ITGB6: variants seen among roughly 807,000 people sequenced by gnomAD.
ITGB6 encodes the protein integrin beta-6.
ITGB6 carries 80 observed loss-of-function variants against 84.5 expected under a neutral mutation model. The ratio of observed to expected loss-of-function variants is 0.95; its 90% CI spans 0.79 to 1.14. The LOEUF (loss-of-function observed/expected upper bound fraction) is 1.14. Ranked by LOEUF, ITGB6 falls within the 50% of genes most tolerant of loss-of-function variation. ITGB6 has a pLI of 0.00. For missense variants in ITGB6, 1,006 were observed against 968.0 expected (o/e 1.04, Z -0.52); for synonymous variants, 383 against 354.9 (o/e 1.08, Z -0.89).
rs1683797783 is a variant in ITGB6, at chr2:160,137,594, A to G, written c.1500T>C (p.Asp500=). 1 of 1,614,220 alleles carries G rather than the reference A, an allele frequency of 6.2e-7. No individual in the cohort carries two copies. The highest frequency in any genetic ancestry group is 8.5e-7 in the Non-Finnish European group (1 of 1,180,026). The change falls in exon 10 of 15, where the codon GAT becomes GAC. Residue 500 remains aspartate, a synonymous_variant. Transcript: ENST00000283249. ...CECGEDMLST[D]SCKEAPDHPS... Reference sequence around the variant, plus strand: ...GATGATCTGGGGCCTCCTTGCAGGAATCTGTGCTCAGCATGTCCTCGCCAC... The same window carrying G: ...GATGATCTGGGGCCTCCTTGCAGGAGTCTGTGCTCAGCATGTCCTCGCCAC...
intron 11 of ITGB6, among the ~76,000 whole-genome samples, chr2:160,124,970 G>A (rs1683179952): frequency 6.6e-6 from 1 of 152,198 alleles, no homozygotes; most frequent in Non-Finnish European, 1.5e-5. Context: ...GGTGATTGTG[G>A]AAGCTCTTAA....
chr2:160,183,748 C>T (rs1482532416), intron 4 of ITGB6, among the ~76,000 whole-genome samples: 1 of 152,216 alleles, frequency 6.6e-6, no homozygotes, highest in African/African-American at 2.4e-5. Flanking sequence ...AAGTAAAACA[C>T]TCCTCAGCAA....
At chr2:160,172,874 A>G (rs1559195205) in intron 5 of ITGB6, 144 bp from the exon 6 acceptor site, 2 of 554,656 alleles carry the variant, frequency 3.6e-6, no homozygotes, top group Non-Finnish European at 6.3e-6. Context: ...TGAATTGATA[A>G]TATTAATGTT....
At chr2:160,114,110 C>A (rs908454081) in intron 12 of ITGB6, among the ~76,000 whole-genome samples, 4 of 152,154 alleles carry the variant, frequency 2.6e-5, no homozygotes, top group Non-Finnish European at 4.4e-5. Context: ...CCTAGAGAGG[C>A]TTACTTGACC....
At chr2:160,186,614 C>T (rs189908597) in intron 4 of ITGB6, among the ~76,000 whole-genome samples, 11 of 152,152 alleles carry the variant, frequency 7.2e-5, no homozygotes, top group South Asian at 2.1e-4. Context: ...CCCGTTACTG[C>T]GTATATACCC....
At chr2:160,125,609 G>C (rs1683207028) in intron 11 of ITGB6, among the ~76,000 whole-genome samples, 1 of 152,132 alleles carries the variant, frequency 6.6e-6, no homozygotes, top group Non-Finnish European at 1.5e-5. Flanking sequence ...CTCTGTTTAT[G>C]TCAGAAATGC....
intron 14 of ITGB6, among the ~76,000 whole-genome samples, chr2:160,103,646 A>T (rs149688387): frequency 1.6e-4 from 25 of 152,208 alleles, no homozygotes; most frequent in Admixed American, 1.6e-3. Context: ...CATGCATGGA[A>T]TTCTATTAAA....
intron 10 of ITGB6, among the ~76,000 whole-genome samples, chr2:160,134,704 A>C (rs1309640225): frequency 6.6e-6 from 1 of 152,200 alleles, no homozygotes; most frequent in Non-Finnish European, 1.5e-5. Flanking sequence ...AAGCTTACCC[A>C]CCATGATCAA....
chr2:160,144,262 G>A (rs1431091634), intron 7 of ITGB6, among the ~76,000 whole-genome samples: 1 of 152,156 alleles, frequency 6.6e-6, no homozygotes, highest in Non-Finnish European at 1.5e-5. Context: ...TTATTATTGA[G>A]GGGGCTGTGG....
rs200712485 is a variant in ITGB6, at chr2:160,200,089, C to T, written c.-26G>A. On this transcript the variant is annotated 5_prime_UTR_variant, in exon 1 of 15. Coordinates refer to ENST00000283249, the MANE Select transcript of ITGB6 (RefSeq NM_000888.5). ...TCGTTTCAGTTCTTGCTGTGCAGAC[C>T]GATTAAAAAATGAATTACCTTCAGC... The T allele has an allele frequency of 2.8e-5, 45 of 1,604,914 alleles. No individual in the cohort carries two copies. Among genetic ancestry groups the T allele is most frequent in the Admixed American group, 2.7e-4 (16 of 59,320 alleles).
chr2:160,134,260 G>A (rs1276109080), intron 10 of ITGB6, among the ~76,000 whole-genome samples: 3 of 152,200 alleles, frequency 2.0e-5, no homozygotes, highest in Admixed American at 6.5e-5. Context: ...ACTACCATCA[G>A]AGAATACTAT....
chr2:160,140,965 G>C (rs1456162342), intron 8 of ITGB6, among the ~76,000 whole-genome samples: 3 of 152,074 alleles, frequency 2.0e-5, no homozygotes, highest in African/African-American at 7.2e-5. Context: ...GTCTGTGAGA[G>C]GATAGGCCTA....
rs369288161 is a variant in ITGB6 at position 160,112,266 on chromosome 2, T to A, written c.1982-67A>T. On this transcript the variant is annotated intron_variant, in intron 12 of 14. Transcript: ENST00000283249. ...AAAAGAGATTGTTTTTAAAACAAAG[T>A]AGTATTGAGTTTTAATATGTAAATT... 9.8e-5 allele frequency: 139 copies of A among 1,411,992 alleles called. 2 individuals carry two copies. In the South Asian group the frequency reaches 1.6e-3, roughly 16 times the overall value. 87.5% of individuals were successfully genotyped at this position (1,411,992 alleles called of 1,614,324 possible).
At chr2:160,115,273 A>C (rs4477863) in intron 12 of ITGB6, among the ~76,000 whole-genome samples, 1 of 151,410 alleles carries the variant, frequency 6.6e-6, no homozygotes, top group African/African-American at 2.4e-5. Context: ...CACCTCACAC[A>C]GCCGGGTACT....
chr2:160,135,872 T>C (rs1683691825), intron 10 of ITGB6, among the ~76,000 whole-genome samples: 1 of 152,316 alleles, frequency 6.6e-6, no homozygotes, highest in South Asian at 2.1e-4. Context: ...TGAAACTGGA[T>C]CCCTTCCTTA....
chr2:160,187,356 T>C (rs1166706160), intron 4 of ITGB6, among the ~76,000 whole-genome samples: 2 of 152,166 alleles, frequency 1.3e-5, no homozygotes, highest in Non-Finnish European at 2.9e-5. Context: ...TTTAACAACA[T>C]GAAACATTCA....
chr2:160,137,717 T>A lies in ITGB6; in HGVS notation c.1377A>T (p.Glu459Asp). The part of the protein sequence containing the change: ...SPECNCDCQK[E>D]VEVNSSKCHH... ...GACATTTGGAGCTGTTCACTTCCAC[T>A]TCTTTCTGACAGTCGCAGTTGCATT... The change falls in exon 10 of 15, where the codon GAA becomes GAT. Residue 459 changes from glutamate to aspartate, a missense_variant. Glu to Asp is a conservative substitution (Grantham distance 45). Transcript: ENST00000283249. 6.2e-7 allele frequency: 1 copy of A among 1,614,196 alleles called. No individual in the cohort carries two copies. The highest frequency in any genetic ancestry group is 8.5e-7 in the Non-Finnish European group (1 of 1,180,024).
At chr2:160,177,997 C>G (rs1024764973) in intron 4 of ITGB6, among the ~76,000 whole-genome samples, 5 of 152,182 alleles carry the variant, frequency 3.3e-5, no homozygotes, top group African/African-American at 1.2e-4. Context: ...GCCTCAGCCT[C>G]CCAAGTAGCT....
At chr2:160,189,453 A>T (rs914385852) in intron 4 of ITGB6, among the ~76,000 whole-genome samples, 1 of 152,184 alleles carries the variant, frequency 6.6e-6, no homozygotes, top group Non-Finnish European at 1.5e-5. Context: ...CAACCTACTC[A>T]TCTGACAAAG....
Sources: gnomAD v4.1 joint callset for allele counts (sites outside exome capture counted in the v4.1 genomes callset) on GRCh38, gnomAD v4.1.1 for gene constraint, MANE v1.5 for transcripts, NCBI Gene and HGNC (gene_info 2026-07-23, HGNC 2026-07-21) for gene names.